SYTL5: variants seen among roughly 807,000 people sequenced by gnomAD.
SYTL5 encodes synaptotagmin like 5.
SYTL5 carries 34 observed loss-of-function variants against 55.9 expected under a neutral mutation model. The ratio of observed to expected loss-of-function variants is 0.61; its 90% confidence interval spans 0.46 to 0.81. SYTL5 has a LOEUF of 0.81. Ranked by LOEUF, SYTL5 falls within the 30% of genes least tolerant of loss-of-function variation. The pLI, the probability that SYTL5 is intolerant of heterozygous loss-of-function variation, is 0.00. For synonymous variants in SYTL5, 221 were observed against 188.7 expected, an observed-to-expected ratio of 1.17 and a Z score of -1.40; for missense variants, 637 against 546.7, an observed-to-expected ratio of 1.17 and a Z score of -1.65.
At chrX:38,108,492 C>T (rs757405115) in intron 11 of SYTL5, 108 bp from the exon 12 acceptor site, 60 of 521,266 alleles carry the variant, frequency 1.2e-4, no homozygotes, top group African/African-American at 3.6e-4. Context: ...TTGGTATTTC[C>T]GCTCATGCTC....
At chrX:38,045,171 T>TA (rs755815066) in intron 2 of SYTL5, among the ~76,000 whole-genome samples, 4 of 112,064 alleles carry the variant, frequency 3.6e-5, no homozygotes, top group African/African-American at 9.7e-5. Context: ...AGGCAAAATT[T>TA]GGCAGAGGTC....
chrX:38,000,497 G>C, the SYTL5 span, among the ~76,000 whole-genome samples: 16 of 112,416 alleles, frequency 1.4e-4, no homozygotes, highest in East Asian at 4.5e-3. Context: ...GGAGCATGCA[G>C]ACTGGTAGGT....
At chrX:37,993,014 A>AC in the SYTL5 span, among the ~76,000 whole-genome samples, 66 of 111,341 alleles carry the variant, frequency 5.9e-4, no homozygotes, top group African/African-American at 2.0e-3. Context: ...AAAAAAAAAA[A>AC]CTGTTCTCCT....
intron 2 of SYTL5, among the ~76,000 whole-genome samples, chrX:38,044,765 T>C (rs1374255755): frequency 4.5e-5 from 5 of 112,118 alleles, no homozygotes; most frequent in African/African-American, 1.6e-4. Context: ...TTCTGATGTT[T>C]TTAATACTCG....
chrX:37,973,690 A>G, the SYTL5 span, among the ~76,000 whole-genome samples: 1 of 109,876 alleles, frequency 9.1e-6, no homozygotes, highest in Non-Finnish European at 1.9e-5. Context: ...CTGGAGTGCA[A>G]GTGGTGCGAT....
At chrX:37,990,936 G>T in the SYTL5 span, 5 of 1,210,046 alleles carry the variant, frequency 4.1e-6, no homozygotes, top group Non-Finnish European at 5.6e-6. Flanking sequence ...GAGCTTCGTG[G>T]ACCGCGTTGT....
chrX:38,049,956 T>TA (rs1296602637), intron 2 of SYTL5, among the ~76,000 whole-genome samples: 1 of 111,849 alleles, frequency 8.9e-6, no homozygotes, highest in African/African-American at 3.3e-5. Flanking sequence ...ATAATTGTCT[T>TA]AAGGTCTCAG....
intron 1 of SYTL5, among the ~76,000 whole-genome samples, chrX:38,025,502 C>T (rs1934736919): frequency 8.9e-6 from 1 of 111,873 alleles, no homozygotes; most frequent in African/African-American, 3.3e-5. Flanking sequence ...CCAAAGTTAT[C>T]TATGCTGAAA....
At chrX:38,015,794 C>T (rs912667747) in intron 1 of SYTL5, among the ~76,000 whole-genome samples, 1 of 110,917 alleles carries the variant, frequency 9.0e-6, no homozygotes, top group African/African-American at 3.3e-5. Flanking sequence ...GGCATGTCCA[C>T]AGAATCCCTG....
At chrX:38,039,466 C>T (rs1935214543) in intron 2 of SYTL5, among the ~76,000 whole-genome samples, 1 of 112,040 alleles carries the variant, frequency 8.9e-6, no homozygotes, top group African/African-American at 3.2e-5. Context: ...TTCAAAAGAA[C>T]TCAGACTAAC....
chrX:38,051,185 C>A (rs1312508224), intron 2 of SYTL5, among the ~76,000 whole-genome samples: 1 of 111,673 alleles, frequency 9.0e-6, no homozygotes, highest in African/African-American at 3.3e-5. Flanking sequence ...TATCTCCTAT[C>A]TGTAGACAGG....
intron 10 of SYTL5, chrX:38,103,016 T>C: frequency 8.8e-7 from 1 of 1,140,272 alleles, no homozygotes; most frequent in East Asian, 3.3e-5. Flanking sequence ...TTTGGATGAC[T>C]TCTCTAAAGA....
At position 38,102,396 on chromosome X, in the gene SYTL5, T is replaced by A; in HGVS notation, c.1117T>A (p.Ser373Thr). The change falls in exon 10 of 17, where the codon TCT (serine) becomes ACT (threonine). Residue 373 changes from serine (S) to threonine (T), a missense_variant. Physicochemically the swap from Ser to Thr is moderately conservative, Grantham distance 58. Coordinates refer to ENST00000297875, the MANE Select transcript of SYTL5 (RefSeq NM_138780.3). ...SIDALVSSQLSTNTHRLASGL... is the reference protein window; with the variant it reads ...SIDALVSSQLTTNTHRLASGL... ...TGATGCCTTAGTGTCCTCGCAGTTA[T>A]CTACAAACACTCACCGTCTGGCAAG... is the stretch of plus-strand genomic sequence containing the variant. 8.3e-7 allele frequency: 1 copy of A among 1,209,024 alleles called. No individual in the cohort carries two copies.
At chrX:38,110,214 A>G (rs1937323661) in intron 12 of SYTL5, 107 bp from the exon 13 acceptor site, 1 of 494,889 alleles carries the variant, frequency 2.0e-6, no homozygotes, top group East Asian at 3.9e-5. Flanking sequence ...TTTTGTTCAT[A>G]TTACTGATGC....
At chrX:38,078,166 C>G (rs957116487) in intron 6 of SYTL5, among the ~76,000 whole-genome samples, 2 of 111,930 alleles carry the variant, frequency 1.8e-5, no homozygotes, top group African/African-American at 6.5e-5. Context: ...CCTCCTGGGA[C>G]TCCATGGATG....
chrX:38,091,942 G>A (rs1441467342), intron 7 of SYTL5, among the ~76,000 whole-genome samples: 1 of 111,637 alleles, frequency 9.0e-6, no homozygotes, highest in Admixed American at 9.5e-5. Context: ...CAGTGCCTAT[G>A]CTGATCTCAT....
At chrX:38,082,216 C>T (rs768535743) in intron 6 of SYTL5, among the ~76,000 whole-genome samples, 61 of 111,831 alleles carry the variant, frequency 5.5e-4, no homozygotes, top group African/African-American at 1.8e-3. Flanking sequence ...GTCTGTTTCT[C>T]CAATTGTTTC....
At chrX:37,986,548 A>T in the SYTL5 span, among the ~76,000 whole-genome samples, 1 of 111,980 alleles carries the variant, frequency 8.9e-6, no homozygotes, top group Admixed American at 9.4e-5. Flanking sequence ...CTGCTTGTGG[A>T]TTTCATTTCT....
At chrX:38,098,769 A>T (rs752832705) in intron 9 of SYTL5, among the ~76,000 whole-genome samples, 8 of 111,271 alleles carry the variant, frequency 7.2e-5, no homozygotes, top group Middle Eastern at 4.2e-3. Context: ...ATAGCCAAAA[A>T]GTGAAAATAA....
Sources: gnomAD v4.1 joint callset for allele counts (sites outside exome capture counted in the v4.1 genomes callset) on GRCh38, gnomAD v4.1.1 for gene constraint, MANE v1.5 for transcripts, NCBI Gene and HGNC (gene_info 2026-07-23, HGNC 2026-07-21) for gene names.